MATCAP2: variants seen among roughly 807,000 people sequenced by gnomAD.
MATCAP2 encodes the protein microtubule associated tyrosine carboxypeptidase 2.
chr7:36,368,323 A>G, the MATCAP2 span: 1 of 152,178 alleles, frequency 6.6e-6, no homozygotes, highest in African/African-American at 2.4e-5. Flanking sequence ...GGAACAAAAG[A>G]AAGTTGAATA....
chr7:36,324,841 G>T, the MATCAP2 span: 1 of 152,174 alleles, frequency 6.6e-6, no homozygotes, highest in African/African-American at 2.4e-5. Flanking sequence ...CAGACAAAGA[G>T]AAAATTTCAT....
At chr7:36,332,465 G>C in the MATCAP2 span, among the ~76,000 whole-genome samples, 119 of 152,284 alleles carry the variant, frequency 7.8e-4, no homozygotes, top group African/African-American at 2.6e-3. Context: ...AAAGACAGGA[G>C]AGAGATGTCC....
chr7:36,353,965 G>C, the MATCAP2 span, among the ~76,000 whole-genome samples: 960 of 152,192 alleles, frequency 6.3e-3, 8 homozygotes, highest in African/African-American at 0.022. Context: ...TGACCCACTG[G>C]TGAGGATGCA....
At chr7:36,369,193 A>G in the MATCAP2 span, among the ~76,000 whole-genome samples, 1 of 152,216 alleles carries the variant, frequency 6.6e-6, no homozygotes, top group Non-Finnish European at 1.5e-5. Context: ...ATGAATAAGT[A>G]GACAACAGAA....
the MATCAP2 span, chr7:36,367,193 T>A: frequency 8.5e-7 from 1 of 1,183,302 alleles, no homozygotes; most frequent in African/African-American, 1.6e-5. Context: ...CCAGCAGCGC[T>A]TAGAACCTGC....
At chr7:36,355,993 C>T in the MATCAP2 span, 1 of 152,186 alleles carries the variant, frequency 6.6e-6, no homozygotes, top group Admixed American at 6.5e-5. Context: ...ACGTTCACAT[C>T]ATAATTTGCT....
At chr7:36,345,566 C>T in the MATCAP2 span, among the ~76,000 whole-genome samples, 1 of 152,158 alleles carries the variant, frequency 6.6e-6, no homozygotes, top group Non-Finnish European at 1.5e-5. Flanking sequence ...GATCCTGAAG[C>T]ACTTTTATTC....
At chr7:36,381,061 A>T in the MATCAP2 span, among the ~76,000 whole-genome samples, 1 of 152,192 alleles carries the variant, frequency 6.6e-6, no homozygotes, top group Admixed American at 6.5e-5. Context: ...GTCAAGGTTA[A>T]CACCTGGGTA....
At chr7:36,349,381 C>T in the MATCAP2 span, among the ~76,000 whole-genome samples, 1 of 152,038 alleles carries the variant, frequency 6.6e-6, no homozygotes, top group African/African-American at 2.4e-5. Flanking sequence ...AAGAAACAAA[C>T]CAAAATATTT....
chr7:36,346,045 A>G, the MATCAP2 span, among the ~76,000 whole-genome samples: 2 of 152,318 alleles, frequency 1.3e-5, no homozygotes, highest in African/African-American at 4.8e-5. Flanking sequence ...GAGGATATAC[A>G]AAATGGCCAT....
the MATCAP2 span, chr7:36,324,298 A>G: frequency 6.6e-6 from 1 of 152,236 alleles, no homozygotes; most frequent in Non-Finnish European, 1.5e-5. Context: ...AAACAATACA[A>G]ATTTTAAACA....
chr7:36,363,533 C>G, the MATCAP2 span, among the ~76,000 whole-genome samples: 3 of 152,146 alleles, frequency 2.0e-5, no homozygotes. Flanking sequence ...TTGAGCAAAC[C>G]ATCGGATAAT....
At chr7:36,338,477 T>C in the MATCAP2 span, among the ~76,000 whole-genome samples, 5 of 152,046 alleles carry the variant, frequency 3.3e-5, no homozygotes, top group Admixed American at 6.6e-5. Flanking sequence ...TTAAAATTTT[T>C]TGTAGAGACA....
the MATCAP2 span, chr7:36,367,055 G>C: frequency 7.8e-7 from 1 of 1,276,352 alleles, no homozygotes; most frequent in Non-Finnish European, 9.8e-7. Context: ...GCGGCGGGAG[G>C]CGGCTCTCCG....
the MATCAP2 span, chr7:36,383,925 C>T: frequency 6.4e-7 from 1 of 1,564,874 alleles, no homozygotes. Flanking sequence ...GGCCTTTTCT[C>T]TCCCTGTAAA....
chr7:36,349,981 TA>T, the MATCAP2 span, among the ~76,000 whole-genome samples: 1 of 152,240 alleles, frequency 6.6e-6, no homozygotes, highest in Non-Finnish European at 1.5e-5. Context: ...CTCAAAATTC[TA>T]AAAACCTTAT....
the MATCAP2 span, among the ~76,000 whole-genome samples, chr7:36,371,276 G>T: frequency 6.6e-6 from 1 of 151,770 alleles, no homozygotes; most frequent in South Asian, 2.1e-4. Context: ...CAGGCCAGGC[G>T]AATTTTTTGT....
chr7:36,376,895 C>G, the MATCAP2 span, among the ~76,000 whole-genome samples: 1 of 152,128 alleles, frequency 6.6e-6, no homozygotes, highest in Non-Finnish European at 1.5e-5. Flanking sequence ...TCTGTTTTAT[C>G]AGAGACTAGG....
At chr7:36,333,237 G>A in the MATCAP2 span, among the ~76,000 whole-genome samples, 2 of 152,234 alleles carry the variant, frequency 1.3e-5, no homozygotes, top group Admixed American at 1.3e-4. Context: ...TTGAAAACAT[G>A]CTAACTGAAA....
Sources: gnomAD v4.1 joint callset for allele counts (sites outside exome capture counted in the v4.1 genomes callset) on GRCh38, gnomAD v4.1.1 for gene constraint, MANE v1.5 for transcripts, NCBI Gene and HGNC (gene_info 2026-07-23, HGNC 2026-07-21) for gene names.